SKAP2: variants seen among roughly 807,000 people sequenced by gnomAD.
The protein encoded by SKAP2 is src kinase-associated phosphoprotein 2.
In SKAP2, 28 loss-of-function variants were observed where a neutral mutation model predicts 54.9. That is an observed-to-expected ratio of 0.51 (90% CI 0.38 to 0.70). The LOEUF is 0.70. SKAP2 is among the 30% of genes least tolerant of loss of function. The pLI is 0.00. For synonymous variants in SKAP2, 137 were observed against 134.3 expected, an observed-to-expected ratio of 1.02 and a Z score of -0.14; for missense variants, 356 against 424.1, an observed-to-expected ratio of 0.84 and a Z score of 1.41.
chr7:26,827,740 G>A (rs1288243878), intron 4 of SKAP2, among the ~76,000 whole-genome samples: 5 of 152,054 alleles, frequency 3.3e-5, no homozygotes, highest in African/African-American at 4.8e-5. Context: ...CTAGAAAAAA[G>A]ATCACGTACT....
At chr7:26,812,192 G>T (rs1784161184) in intron 4 of SKAP2, among the ~76,000 whole-genome samples, 3 of 151,990 alleles carry the variant, frequency 2.0e-5, no homozygotes, top group African/African-American at 7.3e-5. Flanking sequence ...CCCTCTTTTG[G>T]GCTCTAGGTT....
chr7:26,797,506 G>C (rs571842984), intron 4 of SKAP2, among the ~76,000 whole-genome samples: 1 of 152,306 alleles, frequency 6.6e-6, no homozygotes, highest in South Asian at 2.1e-4. Flanking sequence ...CCCTAAAGCA[G>C]ATACAGCTTA....
At chr7:26,740,586 A>T (rs1782420241) in intron 4 of SKAP2, among the ~76,000 whole-genome samples, 1 of 152,232 alleles carries the variant, frequency 6.6e-6, no homozygotes, top group African/African-American at 2.4e-5. Flanking sequence ...AAAGTTTTTA[A>T]ATCAAGCAAA....
chr7:26,675,420 T>G (rs905216336), intron 11 of SKAP2, among the ~76,000 whole-genome samples: 1 of 152,202 alleles, frequency 6.6e-6, no homozygotes, highest in African/African-American at 2.4e-5. Flanking sequence ...CATATTTATA[T>G]CTCTCATTTC....
chr7:26,811,951 A>G (rs1287108491), intron 4 of SKAP2, among the ~76,000 whole-genome samples: 2 of 152,222 alleles, frequency 1.3e-5, no homozygotes, highest in South Asian at 2.1e-4. Context: ...ACCTTAATTT[A>G]TATAACATTA....
At chr7:26,778,445 A>T (rs1783360393) in intron 4 of SKAP2, among the ~76,000 whole-genome samples, 1 of 152,088 alleles carries the variant, frequency 6.6e-6, no homozygotes, top group African/African-American at 2.4e-5. Flanking sequence ...AGTGCTGCAC[A>T]CATTCTCATA....
intron 9 of SKAP2, among the ~76,000 whole-genome samples, chr7:26,717,205 G>C (rs967316104): frequency 2.6e-5 from 4 of 152,094 alleles, no homozygotes; most frequent in Non-Finnish European, 5.9e-5. Context: ...AGGGGAAGTG[G>C]AGGATGGCTT....
intron 9 of SKAP2, among the ~76,000 whole-genome samples, chr7:26,704,068 G>A (rs981599089): frequency 1.3e-5 from 2 of 152,068 alleles, no homozygotes; most frequent in African/African-American, 4.8e-5. Context: ...ATGTCATATT[G>A]ACATATATTC....
intron 9 of SKAP2, among the ~76,000 whole-genome samples, chr7:26,722,074 C>A (rs1395689279): frequency 2.0e-5 from 3 of 152,068 alleles, no homozygotes; most frequent in Non-Finnish European, 4.4e-5. Context: ...CTGGCCTATG[C>A]TAATAAGCAA....
At position 26,693,481 on chromosome 7, in the gene SKAP2, G is replaced by C. The variant is rs540354447; in HGVS notation, c.797-3119C>G. ...TGAATTTAGAAGTATTTGTTACTAT[G>C]AATTTTTTATTTTATTAAAACTTAA... On this transcript the variant is annotated intron_variant, in intron 9 of 12. Coordinates refer to ENST00000345317, the MANE Select transcript of SKAP2 (RefSeq NM_003930.5). Among the ~76,000 whole-genome samples the C allele has an allele frequency of 2.6e-5, 4 of 152,126 alleles. No individual in the cohort carries two copies. In the South Asian group the frequency reaches 8.3e-4, roughly 32 times the overall value.
rs57945020 is a variant in SKAP2 at position 26,720,051 on chromosome 7, AACACAC to A, written c.796+5371_796+5376del. Among the ~76,000 whole-genome samples, 999 of 141,778 alleles carry A rather than the reference AACACAC, an allele frequency of 7.0e-3. 11 individuals are homozygous for A. The highest frequency in any genetic ancestry group is 0.02 in the East Asian group (92 of 4,658). The allele number at this position is 141,778 out of a possible 152,430, so 93.0% of individuals were successfully genotyped here. ...TGGCCCTTACCCACCACATATCTGT[AACACAC>A]ACACACACACACACACACACACACA... On this transcript the variant is annotated intron_variant, in intron 9 of 12. Coordinates refer to ENST00000345317, the MANE Select transcript of SKAP2 (RefSeq NM_003930.5).
chr7:26,734,652 A>G (rs896743816), intron 6 of SKAP2, among the ~76,000 whole-genome samples: 9 of 152,198 alleles, frequency 5.9e-5, no homozygotes, highest in African/African-American at 2.2e-4. Context: ...GTCAGTGCCT[A>G]GTGAGGGCTG....
At position 26,835,203 on chromosome 7, in the gene SKAP2, AT is replaced by A. The variant is rs536589161; in HGVS notation, c.307+8826del. Among the ~76,000 whole-genome samples the A allele has an allele frequency of 1.1e-3, 167 of 152,324 alleles. 1 individual carries two copies. The Middle Eastern group carries it at 0.017, about 16-fold the overall frequency. On this transcript the variant is annotated intron_variant, in intron 4 of 12. Coordinates refer to ENST00000345317, the MANE Select transcript of SKAP2 (RefSeq NM_003930.5). ...TATTGATGGAATGTATCTCAAAATA[AT>A]AAGAGCCTATTTTTGACAAACCCAC...
In SKAP2 at chr7:26,725,458, T is replaced by C. The variant is rs1725016557; in HGVS notation, c.766A>G (p.Ile256Val). The C allele has an allele frequency of 3.1e-6, 5 of 1,611,486 alleles. No individual in the cohort carries two copies. Among genetic ancestry groups the C allele is most frequent in the Non-Finnish European group, 4.2e-6 (5 of 1,179,198 alleles). ...ISNPLTSSQP[I>V]DDEIYEELPE... Reference sequence around the variant, plus strand: ...AGTTCTTCATAAATTTCATCATCTATTGGTTGACTGCTTGTTAGTGGATTG... The same window carrying C: ...AGTTCTTCATAAATTTCATCATCTACTGGTTGACTGCTTGTTAGTGGATTG... The change falls in exon 9 of 13, where the codon ATA (isoleucine) becomes GTA (valine). Residue 256 changes from isoleucine to valine, a missense_variant. Physicochemically the swap from Ile to Val is conservative, Grantham distance 29. Transcript: ENST00000345317.
chr7:26,765,288 G>A (rs1391663225), intron 4 of SKAP2, among the ~76,000 whole-genome samples: 3 of 152,074 alleles, frequency 2.0e-5, no homozygotes, highest in Non-Finnish European at 4.4e-5. Flanking sequence ...CTTTTGAGAA[G>A]TGTCTGTTCA....
At chr7:26,797,548 G>C (rs1783808746) in intron 4 of SKAP2, among the ~76,000 whole-genome samples, 3 of 152,110 alleles carry the variant, frequency 2.0e-5, no homozygotes, top group Admixed American at 2.0e-4. Flanking sequence ...TAAAATATCT[G>C]AAAGTCTTCC....
At chr7:26,851,269 A>G (rs1475304420) in intron 3 of SKAP2, among the ~76,000 whole-genome samples, 3 of 151,690 alleles carry the variant, frequency 2.0e-5, no homozygotes, top group Non-Finnish European at 4.4e-5. Flanking sequence ...AAAAAAAAAA[A>G]AAAAAAAATT....
chr7:26,753,208 G>A (rs1329676341), intron 4 of SKAP2, among the ~76,000 whole-genome samples: 2 of 152,168 alleles, frequency 1.3e-5, no homozygotes, highest in Non-Finnish European at 2.9e-5. Context: ...AGACATTCAT[G>A]TGGTATTTAC....
At chr7:26,756,692 C>G (rs1371335459) in intron 4 of SKAP2, among the ~76,000 whole-genome samples, 2 of 152,154 alleles carry the variant, frequency 1.3e-5, no homozygotes, top group African/African-American at 2.4e-5. Flanking sequence ...TGGGTATATA[C>G]CCAGTAATGG....
Sources: gnomAD v4.1 joint callset for allele counts (sites outside exome capture counted in the v4.1 genomes callset) on GRCh38, gnomAD v4.1.1 for gene constraint, MANE v1.5 for transcripts, NCBI Gene and HGNC (gene_info 2026-07-23, HGNC 2026-07-21) for gene names.